The following CCDC9 variants were observed in gnomAD, a reference collection of about 807,000 sequenced individuals.
CCDC9 encodes coiled-coil domain-containing protein 9.
In CCDC9, 52 loss-of-function variants were observed where a neutral mutation model predicts 65.6. The ratio of observed to expected loss-of-function variants is 0.79; its 90% CI spans 0.63 to 1.00. The LOEUF is 1.00. CCDC9 is among the 50% of genes least tolerant of loss of function. The pLI is 0.00. For synonymous variants in CCDC9, 332 were observed against 280.3 expected, an observed-to-expected ratio of 1.18 and a Z score of -1.84; for missense variants, 834 against 757.2, an observed-to-expected ratio of 1.10 and a Z score of -1.19.
downstream of CCDC9, chr19:47,275,386 A>G (rs1181278521): frequency 1.3e-6 from 2 of 1,526,436 alleles, no homozygotes; most frequent in South Asian, 1.2e-5. Context: ...CCAGCCCTCG[A>G]GAGCTCTGTG....
rs776254737 is a variant in CCDC9 at position 47,266,785 on chromosome 19, G to C, written c.895G>C (p.Asp299His). The change falls in exon 8 of 12, where the codon GAT becomes CAT. Residue 299 changes from aspartate (D) to histidine (H), a missense_variant. By Grantham distance (81) the Asp-to-His change is moderately conservative. Transcript: ENST00000221922. Reference protein sequence around the residue: ...WRREWDAEKTDGMFKDGPVPA... With the variant: ...WRREWDAEKTHGMFKDGPVPA... ...GCGCGAGTGGGATGCCGAGAAGACC[G>C]ATGGGATGTGAGTCTCCTCCCCGCT... The C allele has an allele frequency of 6.2e-7, 1 of 1,607,058 alleles. No individual in the cohort carries two copies. Among genetic ancestry groups the C allele is most frequent in the Non-Finnish European group, 8.5e-7 (1 of 1,176,942 alleles).
At position 47,271,390 on chromosome 19, in the gene CCDC9, C is replaced by G. The variant is rs780710438; in HGVS notation, c.1308C>G (p.Ile436Met). 3.1e-6 allele frequency: 5 copies of G among 1,612,312 alleles called. No homozygotes were observed. The highest frequency in any genetic ancestry group is 1.1e-5 in the South Asian group (1 of 90,848). ...GTGAGGATGAGGAAGAGGAGGAGAT[C>G]GAGGTGGAAGAAGGTGATGAGGAGG... is the stretch of plus-strand genomic sequence containing the variant. ...DISEDEEEEE[I>M]EVEEGDEEEP... is the part of the protein sequence containing the mutation. Residue 436 changes from isoleucine (I) to methionine (M), a missense_variant, in exon 12 of 12, where the codon ATC (isoleucine) becomes ATG (methionine). Ile to Met is a conservative substitution (Grantham distance 10, BLOSUM62 1). Transcript: ENST00000221922.
chr19:47,259,546 G>A (rs912890275), intron 3 of CCDC9, among the ~76,000 whole-genome samples: 3 of 152,146 alleles, frequency 2.0e-5, no homozygotes, highest in African/African-American at 4.8e-5. Flanking sequence ...GGAGGAAGAG[G>A]GAGGATTTAG....
chr19:47,262,959 C>A (rs1600280914), intron 5 of CCDC9, among the ~76,000 whole-genome samples: 2 of 151,728 alleles, frequency 1.3e-5, no homozygotes, highest in African/African-American at 4.8e-5. Flanking sequence ...GGTGGTGTGC[C>A]CCTGTGGTCC....
chr19:47,266,903 C>T, intron 8 of CCDC9, 111 bp downstream of exon 8: 1 of 1,286,752 alleles, frequency 7.8e-7, no homozygotes, highest in Non-Finnish European at 1.1e-6. Flanking sequence ...GAGTGACTGC[C>T]AAGTATCCTG....
At chr19:47,274,851 G>T (rs1600297888), downstream of CCDC9, 4 of 1,104,606 alleles carry the variant, frequency 3.6e-6, no homozygotes, top group East Asian at 3.9e-5. Context: ...CGGTCTGCGG[G>T]GTGGGGGCGG....
Position 47,258,669 on chromosome 19 carries a change from C to T in CCDC9, c.108+6C>T. 6.2e-7 allele frequency: 1 copy of T among 1,609,218 alleles called. No individual in the cohort carries two copies. The highest frequency in any genetic ancestry group is 8.5e-7 in the Non-Finnish European group (1 of 1,175,514). Reference sequence around the variant, plus strand: ...CCCTCATCCGGCGCTACCAGGTGCCCTAGCCCCGCCCTGGGAGACCCCATC... The same window carrying T: ...CCCTCATCCGGCGCTACCAGGTGCCTTAGCCCCGCCCTGGGAGACCCCATC... On this transcript the variant is annotated splice_donor_region_variant and intron_variant, in intron 3 of 11. Coordinates refer to ENST00000221922, the MANE Select transcript of CCDC9 (RefSeq NM_015603.3).
chr19:47,261,121 C>T (rs756905912), intron 5 of CCDC9, among the ~76,000 whole-genome samples: 6 of 152,002 alleles, frequency 3.9e-5, no homozygotes, highest in Non-Finnish European at 8.8e-5. Flanking sequence ...TGTTCCTCCT[C>T]GCCTTCCTTC....
downstream of CCDC9, chr19:47,273,723 C>T (rs557973599): frequency 1.1e-4 from 39 of 362,870 alleles, no homozygotes; most frequent in Middle Eastern, 2.1e-3. Context: ...GTCTTCAGGC[C>T]GAATCTCCCG....
At chr19:47,258,699 C>G in intron 3 of CCDC9, 36 bp downstream of exon 3, 1 of 1,486,514 alleles carries the variant, frequency 6.7e-7, no homozygotes, top group Non-Finnish European at 9.4e-7. Flanking sequence ...CCCATCCCCT[C>G]TCTTCCCCGC....
At position 47,271,575 on chromosome 19, in the gene CCDC9, C is replaced by G; in HGVS notation, c.1493C>G (p.Pro498Arg). The G allele has an allele frequency of 6.2e-7, 1 of 1,613,332 alleles. No individual in the cohort carries two copies. The highest frequency in any genetic ancestry group is 8.5e-7 in the Non-Finnish European group (1 of 1,179,982). The change falls in exon 12 of 12, where the codon CCT becomes CGT. Residue 498 changes from proline (P) to arginine (R), a missense_variant. Physicochemically the swap from Pro to Arg is moderately radical, Grantham distance 103. Coordinates refer to ENST00000221922, the MANE Select transcript of CCDC9 (RefSeq NM_015603.3). ...TTCTCACCACCCAGCGGCCACCAGC[C>G]TGTGTCCGATTGGGGTGAAGAGGTG... ...SPFSPPSGHQ[P>R]VSDWGEEVEL...
intron 1 of CCDC9, among the ~76,000 whole-genome samples, chr19:47,257,332 C>T (rs957905808): frequency 1.5e-5 from 2 of 135,490 alleles, no homozygotes; most frequent in Non-Finnish European, 1.6e-5. Context: ...ATGGTAGGGG[C>T]GGGTGTAGGC....
intron 1 of CCDC9, 26 bp from the exon 2 acceptor site, chr19:47,258,301 CTTT>C: frequency 2.2e-6 from 3 of 1,346,368 alleles, no homozygotes; most frequent in Admixed American, 1.7e-5. Flanking sequence ...GGCCATTGGC[CTTT>C]GTCCTTTTTT....
intron 3 of CCDC9, among the ~76,000 whole-genome samples, chr19:47,259,248 C>T (rs555661740): frequency 6.6e-6 from 1 of 152,258 alleles, no homozygotes; most frequent in East Asian, 1.9e-4. Context: ...GGCAGGTCAG[C>T]AGGGGCCAGG....
chr19:47,270,972 A>C, intron 10 of CCDC9, 110 bp from the exon 11 acceptor site: 1 of 856,118 alleles, frequency 1.2e-6, no homozygotes, highest in South Asian at 1.6e-5. Flanking sequence ...TCAGCCCTCC[A>C]CCATGCCAGA....
At chr19:47,267,758 C>T (rs554486746) in intron 8 of CCDC9, among the ~76,000 whole-genome samples, 4 of 152,136 alleles carry the variant, frequency 2.6e-5, no homozygotes, top group South Asian at 4.1e-4. Context: ...TGTTTAACAG[C>T]GATTAGACCT....
At chr19:47,272,782 G>T (rs1220171512), downstream of CCDC9, among the ~76,000 whole-genome samples, 1 of 152,198 alleles carries the variant, frequency 6.6e-6, no homozygotes, top group East Asian at 1.9e-4. Flanking sequence ...GGGCAAATTA[G>T]AATAGACATG....
Position 47,258,343 on chromosome 19 carries a change from T to C in CCDC9, c.-58T>C, listed in dbSNP as rs2123438747. On this transcript the variant is annotated 5_prime_UTR_variant, in exon 2 of 12. Transcript: ENST00000221922. ...CTCTGTCCCCAGGAACCCTCAGTGCTGCGTCTAGATTCTGCAGGGGAGGTT... is the reference window on the plus strand; with the variant it reads ...CTCTGTCCCCAGGAACCCTCAGTGCCGCGTCTAGATTCTGCAGGGGAGGTT... 2.5e-6 allele frequency: 4 copies of C among 1,601,366 alleles called. No homozygotes were observed. The South Asian group carries it at 4.4e-5, about 18-fold the overall frequency.
intron 8 of CCDC9, among the ~76,000 whole-genome samples, chr19:47,269,961 G>A (rs560347403): frequency 6.6e-6 from 1 of 151,878 alleles, no homozygotes; most frequent in Admixed American, 6.6e-5. Flanking sequence ...CCCATCACCT[G>A]GTCCTATCCT....
Sources: gnomAD v4.1 joint callset for allele counts (sites outside exome capture counted in the v4.1 genomes callset) on GRCh38, gnomAD v4.1.1 for gene constraint, MANE v1.5 for transcripts, NCBI Gene and HGNC (gene_info 2026-07-23, HGNC 2026-07-21) for gene names.